Variants in SGK1 observed in about 807,000 individuals in gnomAD.
SGK1 encodes serum/glucocorticoid regulated kinase 1, also known as serine/threonine-protein kinase Sgk1.
Under a neutral mutation model 64.2 loss-of-function variants are expected in SGK1, and 26 were observed. The ratio of observed to expected loss-of-function variants is 0.40; its 90% CI spans 0.30 to 0.56. The LOEUF (loss-of-function observed/expected upper bound fraction) is 0.56, where lower values mean the gene tolerates loss of function less well. Ranked by LOEUF, SGK1 falls within the 20% of genes least tolerant of loss-of-function variation. The pLI is 0.38. For missense variants in SGK1, 519 were observed against 645.6 expected (o/e 0.80, Z 2.12); for synonymous variants, 265 against 239.7 (o/e 1.11, Z -0.98).
rs763520267 is a variant in SGK1 at position 134,174,535 on chromosome 6, G to C, written c.413C>G (p.Ala138Gly). ...MGLNDFIQKIANNSYACKHPE... is the reference protein window; with the variant it reads ...MGLNDFIQKIGNNSYACKHPE... The stretch of plus-strand genomic sequence containing the variant: ...CTGTTTGCATGCATAGGAGTTATTG[G>C]CAATCTTCTGAATAAAGTCGTTCAG... The change falls in exon 4 of 14, where the codon GCC (alanine) becomes GGC (glycine). Residue 138 changes from alanine (A) to glycine (G), a missense_variant. Transcript: ENST00000367858. 3 of 1,613,380 alleles carry C rather than the reference G, an allele frequency of 1.9e-6. No homozygotes were observed. In the African/African-American group the frequency reaches 4.0e-5, roughly 22 times the overall value.
chr6:134,235,541 T>TTTTATTTATTTATTTA (rs368701386), intron 2 of SGK1, among the ~76,000 whole-genome samples: 11 of 92,122 alleles, frequency 1.2e-4, no homozygotes, highest in African/African-American at 4.4e-4. Flanking sequence ...AAATAGATAT[T>TTTTATTTATTTATTTA]TTTATTTATT....
At position 134,173,306 on chromosome 6, in the gene SGK1, A is replaced by G; in HGVS notation, c.670T>C (p.Leu224=). 1 of 1,614,026 alleles carries G rather than the reference A, an allele frequency of 6.2e-7. No individual in the cohort carries two copies. Among genetic ancestry groups the G allele is most frequent in the Non-Finnish European group, 8.5e-7 (1 of 1,179,880 alleles). The change falls in exon 7 of 14, where the codon TTA becomes CTA. Residue 224 remains leucine, a synonymous_variant. Transcript: ENST00000367858. ...TTTTTCAGGATTGCTTTCTTCTGTA[A>G]AACTTTGACTGCATAGAACACTTCT... is the stretch of plus-strand genomic sequence containing the variant. ...AEEVFYAVKV[L]QKKAILKKKE...
chr6:134,182,928 A>T (rs1775353906), intron 3 of SGK1, among the ~76,000 whole-genome samples: 1 of 152,268 alleles, frequency 6.6e-6, no homozygotes, highest in East Asian at 1.9e-4. Context: ...GTGGAGAGCA[A>T]ACCAAAACTA....
At chr6:134,175,457 G>T in intron 3 of SGK1, 2 of 1,320,136 alleles carry the variant, frequency 1.5e-6, no homozygotes, top group African/African-American at 1.5e-5. Context: ...CCCCGGCCCC[G>T]AGAACTCCGA....
chr6:134,244,794 A>G (rs1440722786), intron 2 of SGK1, among the ~76,000 whole-genome samples: 3 of 152,074 alleles, frequency 2.0e-5, no homozygotes, highest in Admixed American at 1.3e-4. Flanking sequence ...TTATTTTTTG[A>G]GATGGAGTTT....
intron 1 of SGK1, among the ~76,000 whole-genome samples, chr6:134,317,156 G>A (rs931975536): frequency 2.6e-5 from 4 of 151,980 alleles, no homozygotes; most frequent in African/African-American, 7.3e-5. Context: ...GCTCAAACCC[G>A]TTTAAGGCAT....
chr6:134,208,668 A>G (rs1277309926), intron 2 of SGK1, among the ~76,000 whole-genome samples: 3 of 152,014 alleles, frequency 2.0e-5, no homozygotes, highest in African/African-American at 7.3e-5. Flanking sequence ...ACTTAGAATA[A>G]TGGTCTCCAA....
At chr6:134,279,593 T>C (rs1479156709) in intron 1 of SGK1, among the ~76,000 whole-genome samples, 1 of 152,134 alleles carries the variant, frequency 6.6e-6, no homozygotes, top group Admixed American at 6.6e-5. Context: ...AAAGTGGAAA[T>C]GTAGTATATA....
chr6:134,260,118 A>C (rs981830663), intron 2 of SGK1: 1 of 152,098 alleles, frequency 6.6e-6, no homozygotes, highest in Non-Finnish European at 1.5e-5. Flanking sequence ...TTTTGGGAGG[A>C]TCACTTGAAG....
At chr6:134,208,787 T>TAC (rs1332414233) in intron 2 of SGK1, among the ~76,000 whole-genome samples, 1 of 150,896 alleles carries the variant, frequency 6.6e-6, no homozygotes, top group African/African-American at 2.4e-5. Context: ...TATATAGATA[T>TAC]ACACACACAC....
intron 2 of SGK1, among the ~76,000 whole-genome samples, chr6:134,224,718 T>C (rs1253774880): frequency 3.3e-5 from 5 of 152,196 alleles, no homozygotes; most frequent in Non-Finnish European, 7.3e-5. Context: ...TTTCCAGGTC[T>C]AGCCTTAGAA....
chr6:134,224,593 C>T (rs1336843151), intron 2 of SGK1, among the ~76,000 whole-genome samples: 1 of 152,078 alleles, frequency 6.6e-6, no homozygotes, highest in Non-Finnish European at 1.5e-5. Context: ...TTTGCCTTTT[C>T]TTTCAGTCTA....
At chr6:134,308,639 C>A (rs1777568648) in intron 1 of SGK1, among the ~76,000 whole-genome samples, 1 of 152,128 alleles carries the variant, frequency 6.6e-6, no homozygotes, top group African/African-American at 2.4e-5. Flanking sequence ...TCACTGCAAC[C>A]TCCACCCCCC....
chr6:134,282,379 A>G (rs535917566), intron 1 of SGK1, among the ~76,000 whole-genome samples: 1 of 152,202 alleles, frequency 6.6e-6, no homozygotes, highest in East Asian at 1.9e-4. Flanking sequence ...ATCAGTGAGC[A>G]TGCTGGCTCA....
intron 1 of SGK1, among the ~76,000 whole-genome samples, chr6:134,309,288 C>G (rs1019416833): frequency 1.3e-5 from 2 of 152,230 alleles, no homozygotes; most frequent in African/African-American, 4.8e-5. Flanking sequence ...AATCCTTTCT[C>G]CACATGCCAT....
In SGK1 at chr6:134,317,445, T is replaced by A. The variant is rs568974450; in HGVS notation, c.16A>T (p.Met6Leu). 3.7e-6 allele frequency: 6 copies of A among 1,609,630 alleles called. No individual in the cohort carries two copies. In the East Asian group the frequency reaches 1.1e-4, roughly 30 times the overall value. Residue 6 changes from methionine (M) to leucine (L), a missense_variant, in exon 1 of 14, where the codon ATG (methionine) becomes TTG (leucine). Around this residue, in one of 2 missense-constraint regions of SGK1, gnomAD observed 241 missense variants for 236.9 expected, o/e 1.02. Coordinates refer to ENST00000367858, the MANE Select transcript of SGK1 (RefSeq NM_001143676.3). ...CATTTCTTGACTGGGAATCCATTCA[T>A]GTCTTTGTTTACCATTTTCCACCGT... MVNKD[M>L]NGFPVKKCSA...
intron 2 of SGK1, among the ~76,000 whole-genome samples, chr6:134,215,557 T>C (rs1056806073): frequency 2.6e-4 from 39 of 152,284 alleles, no homozygotes; most frequent in Admixed American, 2.6e-3. Flanking sequence ...GTCTCCATTC[T>C]AGTTCATCCT....
intron 1 of SGK1, among the ~76,000 whole-genome samples, chr6:134,267,173 T>C (rs932049472): frequency 1.5e-4 from 22 of 151,460 alleles, no homozygotes; most frequent in Admixed American, 3.9e-4. Flanking sequence ...CAAAATAAAA[T>C]TTTTTTTAAA....
At chr6:134,195,159 G>C (rs77950435) in intron 3 of SGK1, among the ~76,000 whole-genome samples, 5,442 of 152,044 alleles carry the variant, frequency 0.036, 333 homozygotes, top group African/African-American at 0.12. Context: ...TAAATGATTT[G>C]GATAAAATAA....
Sources: gnomAD v4.1 joint callset for allele counts (sites outside exome capture counted in the v4.1 genomes callset) on GRCh38, gnomAD v4.1.1 for gene constraint, gnomAD v4.1.1 regional missense constraint, MANE v1.5 for transcripts, NCBI Gene and HGNC (gene_info 2026-07-23, HGNC 2026-07-21) for gene names.